DIAPH2: variants seen among roughly 807,000 people sequenced by gnomAD.
The protein encoded by DIAPH2 is protein diaphanous homolog 2.
In DIAPH2, 35 loss-of-function variants were observed where a neutral mutation model predicts 92.7. The observed-to-expected ratio is 0.38, with a 90% confidence interval of 0.29 to 0.50. The LOEUF is 0.50. Among genes scored for constraint, DIAPH2 ranks in the 20% least tolerant of loss-of-function variants. DIAPH2 has a pLI of 0.94. For missense variants in DIAPH2, 701 were observed against 819.5 expected (o/e 0.86, Z 1.77); for synonymous variants, 301 against 280.4 (o/e 1.07, Z -0.73).
intron 17 of DIAPH2, among the ~76,000 whole-genome samples, chrX:96,994,960 C>T: frequency 9.0e-6 from 1 of 110,919 alleles, no homozygotes; most frequent in Admixed American, 9.6e-5. Flanking sequence ...TATCAATTAC[C>T]TGAAGAAGAA....
chrX:96,863,594 T>C (rs760976503), intron 4 of DIAPH2, among the ~76,000 whole-genome samples: 1 of 111,008 alleles, frequency 9.0e-6, no homozygotes, highest in South Asian at 3.8e-4. Context: ...ATTGAAATCA[T>C]TCTGTACCTA....
At chrX:97,129,044 A>G (rs12006586) in intron 21 of DIAPH2, among the ~76,000 whole-genome samples, 9,324 of 109,193 alleles carry the variant, frequency 0.085, 706 homozygotes, top group African/African-American at 0.22. Flanking sequence ...TATGGAAAGT[A>G]TAGTTTTAAT....
At chrX:96,962,486 C>CATATATATATAT (rs1268359722) in intron 16 of DIAPH2, among the ~76,000 whole-genome samples, 1 of 22,774 alleles carries the variant, frequency 4.4e-5, no homozygotes, top group African/African-American at 1.4e-4. Flanking sequence ...TATACACACA[C>CATATATATATAT]ACACACACAC....
At chrX:97,519,065 A>G (rs575848052) in intron 26 of DIAPH2, among the ~76,000 whole-genome samples, 2 of 111,937 alleles carry the variant, frequency 1.8e-5, no homozygotes, top group South Asian at 7.5e-4. Context: ...TATAATTGAG[A>G]GTTGGCTATA....
At chrX:97,558,308 G>T (rs768066914) in intron 26 of DIAPH2, among the ~76,000 whole-genome samples, 2 of 112,068 alleles carry the variant, frequency 1.8e-5, no homozygotes, top group Admixed American at 9.5e-5. Flanking sequence ...TTTAGCTTGC[G>T]AACTTTGAAG....
intron 17 of DIAPH2, among the ~76,000 whole-genome samples, chrX:97,052,875 G>C (rs2066530167): frequency 9.0e-6 from 1 of 111,088 alleles, no homozygotes; most frequent in Non-Finnish European, 1.9e-5. Context: ...ACCAACCTAG[G>C]CTGATGTTAA....
At chrX:97,292,967 C>CT (rs1352060526) in intron 23 of DIAPH2, among the ~76,000 whole-genome samples, 1 of 110,980 alleles carries the variant, frequency 9.0e-6, no homozygotes, top group East Asian at 2.8e-4. Context: ...GTATAACAGA[C>CT]TTACCCACTC....
intron 26 of DIAPH2, among the ~76,000 whole-genome samples, chrX:97,575,890 G>A (rs1280014786): frequency 1.8e-5 from 2 of 112,057 alleles, no homozygotes; most frequent in South Asian, 7.6e-4. Flanking sequence ...TTACTAACAC[G>A]TTGTGACCAA....
intron 26 of DIAPH2, among the ~76,000 whole-genome samples, chrX:97,594,805 C>G (rs1291418158): frequency 2.7e-5 from 3 of 112,117 alleles, no homozygotes; most frequent in South Asian, 3.7e-4. Flanking sequence ...CTGTGAGGGA[C>G]TAGTATATAA....
At chrX:97,034,087 A>ATTT (rs5903063) in intron 17 of DIAPH2, among the ~76,000 whole-genome samples, 2 of 103,385 alleles carry the variant, frequency 1.9e-5, no homozygotes, top group Non-Finnish European at 4.0e-5. Flanking sequence ...TAGTGTGTGC[A>ATTT]TTTTTTTTTT....
chrX:97,499,601 C>T (rs756011532), intron 26 of DIAPH2, among the ~76,000 whole-genome samples: 2 of 111,433 alleles, frequency 1.8e-5, no homozygotes, highest in Non-Finnish European at 3.8e-5. Flanking sequence ...TATTGGGCAT[C>T]TACCCAAAGG....
chrX:97,158,742 T>G (rs1186564638), intron 22 of DIAPH2, among the ~76,000 whole-genome samples: 1 of 112,336 alleles, frequency 8.9e-6, no homozygotes, highest in Non-Finnish European at 1.9e-5. Context: ...TTTAAATGGC[T>G]TTGCAAATCG....
At chrX:97,354,349 A>T (rs932478300) in intron 24 of DIAPH2, among the ~76,000 whole-genome samples, 3 of 112,034 alleles carry the variant, frequency 2.7e-5, no homozygotes, top group African/African-American at 9.7e-5. Context: ...AGATTCTTTC[A>T]TAACTTCCCT....
intron 26 of DIAPH2, among the ~76,000 whole-genome samples, chrX:97,498,075 C>A (rs2070771568): frequency 9.0e-6 from 1 of 111,458 alleles, no homozygotes; most frequent in Admixed American, 9.6e-5. Flanking sequence ...ACATATTGAC[C>A]ACCCTGCTGG....
chrX:97,171,668 C>T (rs1482387298), intron 22 of DIAPH2, among the ~76,000 whole-genome samples: 4 of 112,005 alleles, frequency 3.6e-5, no homozygotes, highest in Admixed American at 9.5e-5. Flanking sequence ...GGGCTGGGCG[C>T]GGTGGCTCAC....
intron 26 of DIAPH2, among the ~76,000 whole-genome samples, chrX:97,569,961 A>G (rs1014803019): frequency 2.0e-5 from 2 of 102,492 alleles, no homozygotes; most frequent in African/African-American, 3.5e-5. Flanking sequence ...GTCATCGTCT[A>G]TTAAAATGAA....
rs776881884 is a variant in DIAPH2, at chrX:96,819,980, AG to A, written c.448-61598del. On this transcript the variant is annotated intron_variant, in intron 4 of 26. Transcript: ENST00000324765. ...TAATTTTTGAGATCATTAAAAGAAA[AG>A]ATTGTCTCTTATTGGCATCTCCTCT... 1.8e-3 allele frequency among the ~76,000 whole-genome samples: 200 copies of A among 111,882 alleles called. 1 individual carries two copies. The highest frequency in any genetic ancestry group is 6.1e-3 in the African/African-American group (187 of 30,814).
chrX:96,922,830 G>A (rs1228059291), intron 9 of DIAPH2, among the ~76,000 whole-genome samples: 2 of 111,677 alleles, frequency 1.8e-5, no homozygotes, highest in African/African-American at 6.5e-5. Flanking sequence ...TTTCTTCTGT[G>A]TCTTGCATAA....
intron 4 of DIAPH2, among the ~76,000 whole-genome samples, chrX:96,827,270 T>C (rs973212913): frequency 5.4e-4 from 61 of 112,184 alleles, no homozygotes; most frequent in African/African-American, 1.9e-3. Flanking sequence ...GTTATCTATC[T>C]AACACTTTGA....
Sources: allele counts gnomAD v4.1 joint callset (sites outside exome capture counted in the v4.1 genomes callset), GRCh38; gene constraint gnomAD v4.1.1; transcripts MANE v1.5; gene names NCBI Gene and HGNC (gene_info 2026-07-23, HGNC 2026-07-21).